The following SLC35D1 variants were observed in gnomAD, a reference collection of about 807,000 sequenced individuals.
SLC35D1 encodes the protein solute carrier family 35 member D1, also known as nucleotide sugar transporter SLC35D1.
Under a neutral mutation model 46.7 loss-of-function variants are expected in SLC35D1, and 31 were observed. The observed-to-expected ratio is 0.66, with a 90% CI of 0.50 to 0.90. The LOEUF is 0.90. Ranked by LOEUF, SLC35D1 falls within the 40% of genes least tolerant of loss-of-function variation. The pLI is 0.00. For synonymous variants in SLC35D1, 195 were observed against 164.6 expected (o/e 1.18, Z -1.41); for missense variants, 397 against 426.2 (o/e 0.93, Z 0.60).
chr1:67,005,574 G>A (rs1025742609), intron 11 of SLC35D1, among the ~76,000 whole-genome samples: 1 of 152,136 alleles, frequency 6.6e-6, no homozygotes. Flanking sequence ...CGGCACTTAA[G>A]AGCAATCAAA....
chr1:67,030,855 A>G (rs1668004599), intron 8 of SLC35D1, among the ~76,000 whole-genome samples: 1 of 152,184 alleles, frequency 6.6e-6, no homozygotes, highest in Non-Finnish European at 1.5e-5. Context: ...ACATTTTTGG[A>G]GTGCCTTATG....
At chr1:67,030,446 T>C (rs747272793) in intron 8 of SLC35D1, among the ~76,000 whole-genome samples, 1 of 152,120 alleles carries the variant, frequency 6.6e-6, no homozygotes, top group Non-Finnish European at 1.5e-5. Flanking sequence ...TTTCTACATA[T>C]GTAAAAAGAG....
chr1:67,053,799 C>T lies in SLC35D1; in HGVS notation c.203+12G>A. ...TCCTCCGCGGCCTGGGCCGCCGCCG[C>T]CTCGGCCCTACCTGTAATTGGTGAG... On this transcript the variant is annotated intron_variant, in intron 1 of 11. Transcript: ENST00000235345. The T allele has an allele frequency of 6.3e-7, 1 of 1,582,578 alleles. No individual in the cohort carries two copies. Among genetic ancestry groups the T allele is most frequent in the Non-Finnish European group, 8.6e-7 (1 of 1,166,254 alleles).
At chr1:67,053,741 A>AGCCGGCGCCGCGCC in intron 1 of SLC35D1, 70 bp downstream of exon 1, 1 of 1,344,198 alleles carries the variant, frequency 7.4e-7, no homozygotes, top group Non-Finnish European at 9.7e-7. Context: ...AAGTCCAGGG[A>AGCCGGCGCCGCGCC]GCCGGCGCCG....
At chr1:67,048,337 CCT>C (rs1315174457) in intron 6 of SLC35D1, among the ~76,000 whole-genome samples, 23 of 152,134 alleles carry the variant, frequency 1.5e-4, no homozygotes, top group African/African-American at 2.4e-5. Context: ...CTGAGGAACC[CCT>C]GTTGTTTGGT....
rs2815365 is a variant in SLC35D1 at position 67,033,945 on chromosome 1, C to G, written c.729+8291G>C. 1.5e-4 allele frequency among the ~76,000 whole-genome samples: 23 copies of G among 152,112 alleles called. No individual in the cohort carries two copies. In the South Asian group the frequency reaches 4.6e-3, roughly 30 times the overall value. ...GAACCATACACTGAAGAGACTGTCC[C>G]TTCCCCAGTGTATGTTCTTGGCACC... On this transcript the variant is annotated intron_variant, in intron 8 of 11. Transcript: ENST00000235345.
the SLC35D1 span, among the ~76,000 whole-genome samples, chr1:66,981,326 T>G: frequency 6.6e-6 from 1 of 152,190 alleles, no homozygotes; most frequent in Non-Finnish European, 1.5e-5. Flanking sequence ...ACCAAAAATA[T>G]CCAGGAAGGT....
chr1:66,993,273 G>C, the SLC35D1 span, among the ~76,000 whole-genome samples: 1 of 152,164 alleles, frequency 6.6e-6, no homozygotes, highest in Non-Finnish European at 1.5e-5. Context: ...CTACGCACTG[G>C]AACTTCCAGT....
chr1:67,010,259 G>T (rs1320128071), intron 10 of SLC35D1, among the ~76,000 whole-genome samples: 1 of 152,134 alleles, frequency 6.6e-6, no homozygotes. Context: ...TAGGTGACAG[G>T]ATCGTTTGTA....
the SLC35D1 span, among the ~76,000 whole-genome samples, chr1:66,994,222 CGTCAGT>C: frequency 6.6e-6 from 1 of 152,180 alleles, no homozygotes; most frequent in African/African-American, 2.4e-5. Context: ...TTAGTTTCAC[CGTCAGT>C]GTCACATGGC....
chr1:67,020,494 A>G (rs1429651759), intron 9 of SLC35D1, 47 bp from the exon 10 acceptor site: 1 of 1,310,660 alleles, frequency 7.6e-7, no homozygotes, highest in Non-Finnish European at 1.1e-6. Flanking sequence ...ACTTTATACT[A>G]ATCTCTAGCC....
chr1:67,025,284 C>G (rs1039446708), intron 8 of SLC35D1, among the ~76,000 whole-genome samples: 1 of 152,190 alleles, frequency 6.6e-6, no homozygotes, highest in Non-Finnish European at 1.5e-5. Flanking sequence ...AGTCAAGGTT[C>G]ACTATTTTGC....
At chr1:67,039,479 A>T (rs1437769258) in intron 8 of SLC35D1, among the ~76,000 whole-genome samples, 1 of 144,766 alleles carries the variant, frequency 6.9e-6, no homozygotes. Flanking sequence ...ACTTTATTTA[A>T]ATAAGTGAAA....
the SLC35D1 span, chr1:66,986,373 A>G: frequency 1.9e-6 from 3 of 1,603,286 alleles, no homozygotes; most frequent in African/African-American, 1.3e-5. Context: ...CTTTTATAAA[A>G]TATTAATTAT....
At chr1:66,989,398 A>G in the SLC35D1 span, among the ~76,000 whole-genome samples, 1 of 152,240 alleles carries the variant, frequency 6.6e-6, no homozygotes, top group Non-Finnish European at 1.5e-5. Flanking sequence ...TCTAAAATAA[A>G]TGGTTTCACT....
chr1:67,013,464 G>C (rs1323767946), intron 10 of SLC35D1, among the ~76,000 whole-genome samples: 1 of 151,826 alleles, frequency 6.6e-6, no homozygotes, highest in Non-Finnish European at 1.5e-5. Flanking sequence ...CTAAGATGGG[G>C]GGATAAATTG....
the SLC35D1 span, among the ~76,000 whole-genome samples, chr1:66,980,029 G>A: frequency 6.6e-6 from 1 of 152,206 alleles, no homozygotes; most frequent in Non-Finnish European, 1.5e-5. Flanking sequence ...CTCCCAAAGT[G>A]CTGGGATGAC....
At chr1:66,997,561 C>CTG (rs1217814855), downstream of SLC35D1, among the ~76,000 whole-genome samples, 4 of 109,616 alleles carry the variant, frequency 3.6e-5, no homozygotes, top group Non-Finnish European at 5.6e-5. Context: ...ATAGATATAT[C>CTG]TGTGTGTGTA....
At chr1:67,051,955 G>A in intron 4 of SLC35D1, 57 bp downstream of exon 4, 2 of 1,185,328 alleles carry the variant, frequency 1.7e-6, no homozygotes, top group Admixed American at 1.7e-5. Flanking sequence ...TGACATTCAA[G>A]TACAATTTTA....
Sources: allele counts gnomAD v4.1 joint callset (sites outside exome capture counted in the v4.1 genomes callset), GRCh38; gene constraint gnomAD v4.1.1; transcripts MANE v1.5; gene names NCBI Gene and HGNC (gene_info 2026-07-23, HGNC 2026-07-21).